CACNA1C: variants seen among roughly 807,000 people sequenced by gnomAD.
The protein encoded by CACNA1C is voltage-dependent L-type calcium channel subunit alpha-1C.
A neutral mutation model predicts 229.0 loss-of-function variants in CACNA1C; 30 were observed. That is an observed-to-expected ratio of 0.13 (90% CI 0.10 to 0.18). The LOEUF (loss-of-function observed/expected upper bound fraction) is 0.18, where lower values mean the gene tolerates loss of function less well. Ranked by LOEUF, CACNA1C falls within the 10% of genes least tolerant of loss-of-function variation. The pLI, the probability that CACNA1C is intolerant of heterozygous loss-of-function variation, is 1.00. For missense variants in CACNA1C, 1,658 were observed against 2,845.0 expected (o/e 0.58, Z 9.49); for synonymous variants, 1,114 against 1,132.5 (o/e 0.98, Z 0.33).
chr12:2,543,454 G>T (rs1329608841), intron 9 of CACNA1C, among the ~76,000 whole-genome samples: 2 of 152,156 alleles, frequency 1.3e-5, no homozygotes, highest in African/African-American at 4.8e-5. Context: ...CAACAATTTG[G>T]ACATTCAGCT....
chr12:2,037,234 T>C (rs1353755026), intron 1 of CACNA1C, among the ~76,000 whole-genome samples: 1 of 152,236 alleles, frequency 6.6e-6, no homozygotes, highest in Non-Finnish European at 1.5e-5. Flanking sequence ...GCTATTTACT[T>C]GTATTCTCTT....
At chr12:2,661,443 A>G (rs2095735272) in intron 34 of CACNA1C, among the ~76,000 whole-genome samples, 1 of 152,080 alleles carries the variant, frequency 6.6e-6, no homozygotes, top group Non-Finnish European at 1.5e-5. Flanking sequence ...AGAAAATAAG[A>G]ATTATAAAAT....
chr12:2,612,957 C>T (rs2078572180), intron 29 of CACNA1C: 2 of 152,246 alleles, frequency 1.3e-5, no homozygotes, highest in African/African-American at 2.4e-5. Flanking sequence ...TTGAGACAAT[C>T]TCTCCAGCTT....
intron 3 of CACNA1C, among the ~76,000 whole-genome samples, chr12:2,170,855 C>A (rs1216466108): frequency 6.6e-6 from 1 of 152,224 alleles, no homozygotes; most frequent in Non-Finnish European, 1.5e-5. Context: ...GCACTCCAGG[C>A]CTGCAGGGGC....
intron 3 of CACNA1C, among the ~76,000 whole-genome samples, chr12:2,434,222 G>A (rs1014887322): frequency 6.6e-6 from 1 of 152,038 alleles, no homozygotes; most frequent in Non-Finnish European, 1.5e-5. Context: ...CTGACCCCCC[G>A]TCTGTAATCC....
chr12:2,047,153 G>A (rs2051226792), intron 1 of CACNA1C, among the ~76,000 whole-genome samples: 1 of 152,200 alleles, frequency 6.6e-6, no homozygotes, highest in Non-Finnish European at 1.5e-5. Flanking sequence ...ATAATTTGCT[G>A]ACAAAGCAAT....
chr12:2,588,692 A>G (rs999896901), intron 18 of CACNA1C, among the ~76,000 whole-genome samples: 4 of 152,200 alleles, frequency 2.6e-5, no homozygotes, highest in African/African-American at 9.7e-5. Context: ...AGCTGCTTTC[A>G]ACCTCCCAGA....
chr12:2,683,921 G>T lies in CACNA1C; in HGVS notation c.5573+1243G>T, dbSNP rs555904532. On this transcript the variant is annotated intron_variant, in intron 43 of 46. Transcript: ENST00000399655. ...ATGCAGACAGGGAGGAGCCCCACGG[G>T]GGCCCAGGGCGGGAGGGAAGCCCTC... Among the ~76,000 whole-genome samples the T allele has an allele frequency of 7.2e-5, 11 of 152,350 alleles. No individual in the cohort carries two copies. In the South Asian group the frequency reaches 2.1e-3, roughly 29 times the overall value.
chr12:2,617,590 G>A (rs975469862), intron 29 of CACNA1C, among the ~76,000 whole-genome samples: 11 of 152,220 alleles, frequency 7.2e-5, no homozygotes, highest in African/African-American at 1.9e-4. Context: ...TCTTTTCTCT[G>A]CAGGCTCTGC....
intron 1 of CACNA1C, among the ~76,000 whole-genome samples, chr12:2,087,514 G>A (rs565182357): frequency 2.6e-5 from 4 of 152,288 alleles, no homozygotes; most frequent in South Asian, 4.1e-4. Context: ...TAATCTGTAC[G>A]TATATGTAGA....
chr12:2,530,217 T>G (rs72653437), intron 9 of CACNA1C, among the ~76,000 whole-genome samples: 7,593 of 84,496 alleles, frequency 0.09, 242 homozygotes, highest in Middle Eastern at 0.11. Flanking sequence ...GAATTGTTGA[T>G]GACCAAAAAT....
intron 9 of CACNA1C, among the ~76,000 whole-genome samples, chr12:2,536,704 C>A (rs2099856486): frequency 6.6e-6 from 1 of 152,090 alleles, no homozygotes; most frequent in African/African-American, 2.4e-5. Context: ...TGGTGCATGC[C>A]TGTGGTCCCA....
intron 3 of CACNA1C, among the ~76,000 whole-genome samples, chr12:2,127,346 C>A (rs1345197539): frequency 6.6e-6 from 1 of 152,218 alleles, no homozygotes; most frequent in Admixed American, 6.5e-5. Context: ...CTGCAGTGAA[C>A]TGTGTTTTCT....
At chr12:2,345,211 A>G (rs534539446) in intron 3 of CACNA1C, among the ~76,000 whole-genome samples, 3 of 151,880 alleles carry the variant, frequency 2.0e-5, no homozygotes, top group Admixed American at 2.0e-4. Flanking sequence ...CAGAGGTGAA[A>G]GGGAATGTGA....
At chr12:2,291,033 A>G (rs1240739514) in intron 3 of CACNA1C, among the ~76,000 whole-genome samples, 1 of 152,236 alleles carries the variant, frequency 6.6e-6, no homozygotes, top group East Asian at 1.9e-4. Context: ...TACCAATTCC[A>G]GCTCTGTGTG....
intron 29 of CACNA1C, among the ~76,000 whole-genome samples, chr12:2,619,444 A>T (rs2082219998): frequency 6.6e-6 from 1 of 152,092 alleles, no homozygotes; most frequent in Non-Finnish European, 1.5e-5. Flanking sequence ...CTTTTGCAAT[A>T]TTGGTATTCT....
rs964022471 is a variant in CACNA1C, at chr12:2,355,363, C to T, written c.478-93613C>T. Among the ~76,000 whole-genome samples, 12 of 150,932 alleles carry T rather than the reference C, an allele frequency of 8.0e-5. 1 individual carries two copies. Among genetic ancestry groups the T allele is most frequent in the Middle Eastern group, 3.4e-3 (1 of 294 alleles). Reference sequence around the variant, plus strand: ...CCATCCCCCATCCAGGACCTCCCACCCCCCCACATTTCCTCAGTGGAAGGC... The same window carrying T: ...CCATCCCCCATCCAGGACCTCCCACTCCCCCACATTTCCTCAGTGGAAGGC... On this transcript the variant is annotated intron_variant, in intron 3 of 46. Coordinates refer to ENST00000399655, the MANE Select transcript of CACNA1C (RefSeq NM_000719.7).
In CACNA1C at chr12:2,540,690, C is replaced by G. The variant is rs1007440053; in HGVS notation, c.1391-9253C>G. 2.6e-5 allele frequency among the ~76,000 whole-genome samples: 4 copies of G among 152,244 alleles called. No homozygotes were observed. In the South Asian group the frequency reaches 8.3e-4, roughly 32 times the overall value. On this transcript the variant is annotated intron_variant, in intron 9 of 46. Coordinates refer to ENST00000399655, the MANE Select transcript of CACNA1C (RefSeq NM_000719.7). ...TACGTGCAGGAGGTGGACAGGCACT[C>G]CAGGGACAGGGCATGACGTAGGGCC...
chr12:2,117,213 G>A (rs1324380376), intron 2 of CACNA1C, among the ~76,000 whole-genome samples: 1 of 152,246 alleles, frequency 6.6e-6, no homozygotes, highest in African/African-American at 2.4e-5. Flanking sequence ...AGAGGTTGCA[G>A]TGAGCTGAGA....
Sources: allele counts gnomAD v4.1 joint callset (sites outside exome capture counted in the v4.1 genomes callset), GRCh38; gene constraint gnomAD v4.1.1; transcripts MANE v1.5; gene names NCBI Gene and HGNC (gene_info 2026-07-23, HGNC 2026-07-21).